The following CHD2 variants were observed in gnomAD, a reference collection of about 807,000 sequenced individuals.
CHD2 encodes chromodomain helicase DNA binding protein 2, also known as ATP-dependent chromatin remodeler CHD2.
Under a neutral mutation model 243.9 loss-of-function variants are expected in CHD2, and 28 were observed. The ratio of observed to expected loss-of-function variants is 0.11; its 90% CI spans 0.09 to 0.16. The LOEUF (loss-of-function observed/expected upper bound fraction) is 0.16, where lower values mean the gene tolerates loss of function less well. CHD2 is among the 10% of genes least tolerant of loss of function. The pLI is 1.00. For missense variants in CHD2, 1,386 were observed against 2,209.8 expected, an observed-to-expected ratio of 0.63 and a Z score of 7.47; for synonymous variants, 775 against 779.0, an observed-to-expected ratio of 0.99 and a Z score of 0.09.
chr15:92,980,972 T>C (rs79298161), intron 23 of CHD2, 61 bp downstream of exon 23: 37,819 of 1,100,696 alleles, frequency 0.034, 1,209 homozygotes, highest in South Asian at 0.13. Flanking sequence ...GAGTCTAACT[T>C]TTCTGTAAGA....
At chr15:92,947,860 T>C (rs2053494345) in intron 12 of CHD2, among the ~76,000 whole-genome samples, 1 of 152,164 alleles carries the variant, frequency 6.6e-6, no homozygotes, top group Non-Finnish European at 1.5e-5. Context: ...AATATTCTTA[T>C]TAGAATGATA....
At chr15:92,985,802 G>A in intron 26 of CHD2, 129 bp downstream of exon 26, 2 of 859,358 alleles carry the variant, frequency 2.3e-6, no homozygotes, top group Non-Finnish European at 3.4e-6. Context: ...AAGAGAAGCT[G>A]GGTCCTGTCC....
intron 26 of CHD2, among the ~76,000 whole-genome samples, chr15:92,991,094 TGAAAC>T (rs1194629231): frequency 2.0e-5 from 3 of 152,202 alleles, no homozygotes; most frequent in Non-Finnish European, 2.9e-5. Flanking sequence ...AATACGCTGA[TGAAAC>T]GATATAAGGG....
intron 34 of CHD2, among the ~76,000 whole-genome samples, chr15:93,008,881 G>A (rs890898194): frequency 2.0e-5 from 3 of 152,166 alleles, no homozygotes; most frequent in African/African-American, 7.2e-5. Flanking sequence ...TGCCTCTCTT[G>A]CAGATGAGGA....
At position 92,912,775 on chromosome 15, in the gene CHD2, C is replaced by T. The variant is rs141075932; in HGVS notation, c.62+11476C>T. Among the ~76,000 whole-genome samples the T allele has an allele frequency of 5.7e-3, 848 of 147,518 alleles. 18 individuals are homozygous for T. The highest frequency in any genetic ancestry group is 6.5e-3 in the Non-Finnish European group (445 of 67,940). On this transcript the variant is annotated intron_variant, in intron 2 of 38. Transcript: ENST00000394196. ...GGTCTCAAACTCCTGACCTCGTGAT[C>T]CGCCAACCTTGTGATCCGCCCGCCT...
chr15:92,966,394 A>G (rs1485605569), intron 16 of CHD2, among the ~76,000 whole-genome samples: 1 of 151,960 alleles, frequency 6.6e-6, no homozygotes, highest in Non-Finnish European at 1.5e-5. Context: ...TGTGCATTTG[A>G]ATTATTAGTT....
At position 92,974,957 on chromosome 15, in the gene CHD2, TATGC is replaced by T. The variant is rs2053888279; in HGVS notation, c.2577+11_2577+14del. ...CAATGCAGATGGGTCTGAGGTATAC[TATGC>T]ATGGCTTTGTTATTTGAGCAACTTG... On this transcript the variant is annotated splice_region_variant and intron_variant, in intron 20 of 38. Transcript: ENST00000394196. The T allele has an allele frequency of 3.7e-6, 6 of 1,612,130 alleles. No individual in the cohort carries two copies. Among genetic ancestry groups the T allele is most frequent in the Non-Finnish European group, 5.1e-6 (6 of 1,178,616 alleles).
At chr15:92,904,406 G>C in intron 2 of CHD2, 3 of 965,956 alleles carry the variant, frequency 3.1e-6, no homozygotes, top group Non-Finnish European at 3.7e-6. Flanking sequence ...TCCCCTGGGG[G>C]GCGGGGAGAG....
chr15:92,902,534 C>T (rs1380451866), intron 2 of CHD2: 5 of 191,478 alleles, frequency 2.6e-5, no homozygotes, highest in Non-Finnish European at 5.3e-5. Context: ...ATGCTGAATT[C>T]TATTTATTTT....
Position 93,008,454 on chromosome 15 carries a change from C to T in CHD2, c.4414-691C>T, listed in dbSNP as rs79202082. Reference sequence around the variant, plus strand: ...GCTCCCCATTTTAGCCCTCATCCTTCCTTCTGAAGACACCTCGCCGTTGGG... The same window carrying T: ...GCTCCCCATTTTAGCCCTCATCCTTTCTTCTGAAGACACCTCGCCGTTGGG... On this transcript the variant is annotated intron_variant, in intron 34 of 38. Coordinates refer to ENST00000394196, the MANE Select transcript of CHD2 (RefSeq NM_001271.4). Among the ~76,000 whole-genome samples, 998 of 152,354 alleles carry T rather than the reference C, an allele frequency of 6.6e-3. 8 individuals are homozygous for T. Among genetic ancestry groups the T allele is most frequent in the Middle Eastern group, 0.044 (13 of 294 alleles).
intron 16 of CHD2, among the ~76,000 whole-genome samples, chr15:92,960,281 T>C (rs2053667899): frequency 6.6e-6 from 1 of 152,206 alleles, no homozygotes; most frequent in Non-Finnish European, 1.5e-5. Context: ...GACAGGATTA[T>C]GTTTTCTGTA....
intron 15 of CHD2, 46 bp from the exon 16 acceptor site, chr15:92,956,413 G>A: frequency 1.4e-6 from 2 of 1,464,958 alleles, no homozygotes; most frequent in Non-Finnish European, 1.9e-6. Context: ...GCACTTGTGG[G>A]TTCCCTTCTG....
chr15:92,940,131 T>C (rs1207638736), intron 7 of CHD2, among the ~76,000 whole-genome samples: 10 of 152,190 alleles, frequency 6.6e-5, no homozygotes, highest in Non-Finnish European at 1.5e-5. Flanking sequence ...CAAGTACTAA[T>C]AGGATATGAA....
intron 13 of CHD2, among the ~76,000 whole-genome samples, chr15:92,951,662 G>C (rs894696829): frequency 5.3e-5 from 8 of 152,146 alleles, no homozygotes; most frequent in Admixed American, 2.0e-4. Flanking sequence ...CTAGGGGCAG[G>C]AAATACTGGA....
At chr15:92,921,074 G>C (rs895671881) in intron 2 of CHD2, among the ~76,000 whole-genome samples, 2 of 152,096 alleles carry the variant, frequency 1.3e-5, no homozygotes, top group Admixed American at 1.3e-4. Context: ...TTGAGATGTG[G>C]CTGCCTGTTT....
At chr15:92,978,689 G>T (rs977758681) in intron 21 of CHD2, among the ~76,000 whole-genome samples, 1 of 152,196 alleles carries the variant, frequency 6.6e-6, no homozygotes, top group African/African-American at 2.4e-5. Context: ...GTATGGAAAA[G>T]TTAAATATCC....
chr15:92,901,409 T>C (rs2052527473), intron 2 of CHD2, 110 bp downstream of exon 2: 4 of 711,720 alleles, frequency 5.6e-6, no homozygotes, highest in Non-Finnish European at 9.8e-6. Context: ...TATTGTGTTT[T>C]TCTAATTTGG....
intron 2 of CHD2, among the ~76,000 whole-genome samples, chr15:92,919,892 A>G (rs1270962432): frequency 6.6e-6 from 1 of 152,238 alleles, no homozygotes; most frequent in Non-Finnish European, 1.5e-5. Flanking sequence ...AGTTTCAGTC[A>G]TAAAATGTCA....
chr15:93,000,201 G>A (rs2054236532), intron 31 of CHD2, among the ~76,000 whole-genome samples: 1 of 152,134 alleles, frequency 6.6e-6, no homozygotes. Context: ...GGGAGGCAGA[G>A]GTTGCAGTGA....
Sources: gnomAD v4.1 joint callset for allele counts (sites outside exome capture counted in the v4.1 genomes callset) on GRCh38, gnomAD v4.1.1 for gene constraint, MANE v1.5 for transcripts, NCBI Gene and HGNC (gene_info 2026-07-23, HGNC 2026-07-21) for gene names.